CPVL: variants seen among roughly 807,000 people sequenced by gnomAD.
The protein encoded by CPVL is carboxypeptidase vitellogenic like.
CPVL carries 51 observed loss-of-function variants against 63.7 expected under a neutral mutation model. That is an observed-to-expected ratio of 0.80 (90% CI 0.64 to 1.01). The LOEUF is 1.01. Among genes scored for constraint, CPVL ranks in the 50% least tolerant of loss-of-function variants. CPVL has a pLI of 0.00. For missense variants in CPVL, 530 were observed against 573.1 expected, an observed-to-expected ratio of 0.92 and a Z score of 0.77; for synonymous variants, 195 against 206.0, an observed-to-expected ratio of 0.95 and a Z score of 0.46.
intron 12 of CPVL, among the ~76,000 whole-genome samples, chr7:28,996,562 A>C (rs1239843746): frequency 1.3e-5 from 2 of 151,904 alleles, no homozygotes; most frequent in Non-Finnish European, 2.9e-5. Context: ...AAAAAAAAAA[A>C]ACAAAACAAA....
rs1338356306 is a variant in CPVL at position 29,005,375 on chromosome 7, T to G, written c.1321-9493A>C. ...AAATATAACATTCATTACTGTACTTTTTCAGAAAAAAGGATTATAATACAG... is the reference window on the plus strand; with the variant it reads ...AAATATAACATTCATTACTGTACTTGTTCAGAAAAAAGGATTATAATACAG... On this transcript the variant is annotated intron_variant, in intron 12 of 12. Transcript: ENST00000265394. Among the ~76,000 whole-genome samples the G allele has an allele frequency of 3.3e-5, 5 of 152,268 alleles. No individual in the cohort carries two copies. In the East Asian group the frequency reaches 9.7e-4, roughly 29 times the overall value.
At chr7:29,118,939 A>G (rs1386702882) in intron 2 of CPVL, among the ~76,000 whole-genome samples, 2 of 152,100 alleles carry the variant, frequency 1.3e-5, no homozygotes, top group Admixed American at 1.3e-4. Flanking sequence ...ACAGTCTCCA[A>G]CAATGGTTCC....
intron 3 of CPVL, among the ~76,000 whole-genome samples, chr7:29,111,579 C>T (rs538239765): frequency 9.8e-5 from 15 of 152,352 alleles, no homozygotes; most frequent in East Asian, 3.9e-4. Flanking sequence ...GACAGGCTGA[C>T]GGCTACTGTG....
At chr7:29,073,899 A>G (rs540155763) in intron 7 of CPVL, among the ~76,000 whole-genome samples, 5 of 152,346 alleles carry the variant, frequency 3.3e-5, no homozygotes, top group African/African-American at 1.2e-4. Context: ...CATCTGAAAA[A>G]GAGCAATGCA....
intron 11 of CPVL, among the ~76,000 whole-genome samples, chr7:29,039,430 T>A (rs1788852267): frequency 6.6e-6 from 1 of 152,128 alleles, no homozygotes. Context: ...GATTCCACAC[T>A]CTATAAGCAC....
At chr7:29,132,801 T>G (rs1790827864) in intron 1 of CPVL, among the ~76,000 whole-genome samples, 1 of 152,220 alleles carries the variant, frequency 6.6e-6, no homozygotes, top group Non-Finnish European at 1.5e-5. Flanking sequence ...ATTTAGGTCT[T>G]ATTCTAGTGT....
intron 5 of CPVL, among the ~76,000 whole-genome samples, chr7:29,177,614 C>G (rs1288591354): frequency 2.7e-5 from 4 of 150,882 alleles, no homozygotes; most frequent in Admixed American, 2.6e-4. Flanking sequence ...TTTTCTCTCT[C>G]TCTTTTCCTT....
At chr7:29,093,377 CA>C (rs371165878) in intron 5 of CPVL, among the ~76,000 whole-genome samples, 1,053 of 70,002 alleles carry the variant, frequency 0.015, 7 homozygotes, top group African/African-American at 0.057. Flanking sequence ...ACTCCGTCTC[CA>C]AAAAAAAAAA....
intron 5 of CPVL, among the ~76,000 whole-genome samples, chr7:29,093,060 A>G (rs1200684824): frequency 6.6e-6 from 1 of 152,098 alleles, no homozygotes; most frequent in African/African-American, 2.4e-5. Context: ...CTCCTCTCTG[A>G]AACCTGGAGA....
At chr7:29,071,725 C>CAAA in intron 9 of CPVL, 48 bp downstream of exon 9, 1 of 1,444,884 alleles carries the variant, frequency 6.9e-7, no homozygotes, top group South Asian at 1.3e-5. Context: ...CCTCCCTCCC[C>CAAA]AGATGGTTTT....
At chr7:29,034,438 T>A (rs1349514068) in intron 11 of CPVL, among the ~76,000 whole-genome samples, 1 of 152,058 alleles carries the variant, frequency 6.6e-6, no homozygotes, top group Non-Finnish European at 1.5e-5. Flanking sequence ...TATTGATTTA[T>A]TTTTCTTCAA....
chr7:29,044,767 T>C (rs1435221012), intron 11 of CPVL, among the ~76,000 whole-genome samples: 1 of 152,234 alleles, frequency 6.6e-6, no homozygotes, highest in Non-Finnish European at 1.5e-5. Flanking sequence ...CGCCTGTGTT[T>C]CATACCAGTT....
upstream of CPVL, among the ~76,000 whole-genome samples, chr7:29,151,000 T>C (rs1216920553): frequency 6.6e-6 from 1 of 152,142 alleles, no homozygotes; most frequent in Non-Finnish European, 1.5e-5. Flanking sequence ...TCTACAGCTG[T>C]TCTGCACCTC....
intron 7 of CPVL, among the ~76,000 whole-genome samples, chr7:29,075,519 TA>T (rs10658501): frequency 0.12 from 15,393 of 128,684 alleles, 1,158 homozygotes; most frequent in Middle Eastern, 0.15. Flanking sequence ...AGATACTTCT[TA>T]AAAAAAAAAA....
At chr7:29,056,944 CTTTTCTTTTTTT>C (rs1421051326) in intron 11 of CPVL, among the ~76,000 whole-genome samples, 45 of 97,366 alleles carry the variant, frequency 4.6e-4, no homozygotes, top group African/African-American at 1.7e-3. Flanking sequence ...ACATCTTTTC[CTTTTCTTTTTTT>C]TTTTTTTTTT....
chr7:29,163,533 G>A (rs890909034), intron 5 of CPVL, among the ~76,000 whole-genome samples: 2 of 151,978 alleles, frequency 1.3e-5, no homozygotes, highest in Non-Finnish European at 2.9e-5. Flanking sequence ...TATTACCTAA[G>A]AGACAATATC....
intron 3 of CPVL, among the ~76,000 whole-genome samples, chr7:29,096,899 C>T (rs575410616): frequency 4.6e-5 from 7 of 150,658 alleles, no homozygotes; most frequent in Admixed American, 4.0e-4. Context: ...ACAGGAGACT[C>T]GCTCAAACCC....
chr7:29,162,615 C>A (rs1013915909), intron 5 of CPVL, among the ~76,000 whole-genome samples: 79 of 147,208 alleles, frequency 5.4e-4, no homozygotes, highest in African/African-American at 1.8e-3. Context: ...GAGCCGAGAT[C>A]GTGCCATTGC....
chr7:29,051,866 G>A (rs1790193312), intron 11 of CPVL, among the ~76,000 whole-genome samples: 3 of 151,206 alleles, frequency 2.0e-5, no homozygotes, highest in Non-Finnish European at 4.4e-5. Context: ...ATCAACCAAC[G>A]AGTGGATAAA....
Sources: allele counts gnomAD v4.1 joint callset (sites outside exome capture counted in the v4.1 genomes callset), GRCh38; gene constraint gnomAD v4.1.1; transcripts MANE v1.5; gene names NCBI Gene and HGNC (gene_info 2026-07-23, HGNC 2026-07-21).